The following ARMC8 variants were observed in gnomAD, a reference collection of about 807,000 sequenced individuals.
The protein encoded by ARMC8 is armadillo repeat containing 8.
ARMC8 carries 20 observed loss-of-function variants against 99.3 expected under a neutral mutation model. The observed-to-expected ratio is 0.20, with a 90% confidence interval of 0.14 to 0.29. ARMC8 has a LOEUF of 0.29. Among genes scored for constraint, ARMC8 ranks in the 10% least tolerant of loss-of-function variants. The pLI, the probability that ARMC8 is intolerant of heterozygous loss-of-function variation, is 1.00. For synonymous variants in ARMC8, 263 were observed against 278.3 expected, an observed-to-expected ratio of 0.95 and a Z score of 0.55; for missense variants, 569 against 809.5, an observed-to-expected ratio of 0.70 and a Z score of 3.60.
chr3:138,274,624 A>G (rs1339721252), intron 18 of ARMC8, 80 bp downstream of exon 18: 22 of 1,021,426 alleles, frequency 2.2e-5, no homozygotes, highest in Non-Finnish European at 3.2e-5. Flanking sequence ...TGAAATATTC[A>G]AATCTGCAGA....
chr3:138,194,782 T>TA (rs2043618140), intron 1 of ARMC8, among the ~76,000 whole-genome samples: 1 of 152,146 alleles, frequency 6.6e-6, no homozygotes, highest in African/African-American at 2.4e-5. Context: ...TTTATTCTCT[T>TA]ACATCCATAA....
intron 1 of ARMC8, among the ~76,000 whole-genome samples, chr3:138,193,094 A>G (rs918006322): frequency 2.0e-5 from 3 of 151,706 alleles, no homozygotes; most frequent in Non-Finnish European, 4.4e-5. Context: ...TCAGCCTCCC[A>G]GGTAGCTGGG....
At chr3:138,187,255 A>C (rs1241265958), upstream of ARMC8, 1 of 401,332 alleles carries the variant, frequency 2.5e-6, no homozygotes, top group African/African-American at 2.1e-5. Context: ...CGCGAGCGGC[A>C]GGTGGGGCCG....
At chr3:138,212,490 G>A (rs1186740321) in intron 2 of ARMC8, among the ~76,000 whole-genome samples, 4 of 151,934 alleles carry the variant, frequency 2.6e-5, no homozygotes. Flanking sequence ...TGTATATTTA[G>A]TAGAGACGAG....
intron 1 of ARMC8, among the ~76,000 whole-genome samples, chr3:138,193,051 C>T (rs1331164160): frequency 2.0e-5 from 3 of 152,176 alleles, no homozygotes; most frequent in Non-Finnish European, 1.5e-5. Context: ...TTACTGCAGC[C>T]TCTGCCTCCC....
rs370003605 is a variant in ARMC8, at chr3:138,189,102, A to C, written c.45+1503A>C. Reference sequence around the variant, plus strand: ...TTCATTTATCCTTCAGTTCACCTGAAGTTTACTTTTTGGATGTTGTCAACT... The same window carrying C: ...TTCATTTATCCTTCAGTTCACCTGACGTTTACTTTTTGGATGTTGTCAACT... On this transcript the variant is annotated intron_variant, in intron 1 of 21. Coordinates refer to ENST00000469044, the MANE Select transcript of ARMC8 (RefSeq NM_001363941.2). 1.5e-4 allele frequency among the ~76,000 whole-genome samples: 23 copies of C among 152,276 alleles called. No homozygotes were observed. In the East Asian group the frequency reaches 2.3e-3, roughly 15 times the overall value.
At chr3:138,237,178 T>G in intron 7 of ARMC8, 131 bp from the exon 8 acceptor site, 3 of 742,222 alleles carry the variant, frequency 4.0e-6, no homozygotes, top group South Asian at 1.6e-5. Flanking sequence ...GGTGTTATTG[T>G]TATTTCTTTG....
chr3:138,237,313 G>A lies in ARMC8; in HGVS notation c.614G>A (p.Arg205Gln), dbSNP rs1276988161. 1.2e-5 allele frequency: 20 copies of A among 1,611,706 alleles called. No individual in the cohort carries two copies. The highest frequency in any genetic ancestry group is 2.2e-5 in the East Asian group (1 of 44,832). The change falls in exon 8 of 22, where the codon CGA becomes CAA. Residue 205 changes from arginine (R) to glutamine (Q), a missense_variant. By Grantham distance (43) the Arg-to-Gln change is conservative (BLOSUM62 1). This residue lies in a region of ARMC8 where 342 missense variants were observed against 391.6 expected (regional missense o/e 0.87). Transcript: ENST00000469044. ...TTTGTTCATTTATTTTTACAGGTTC[G>A]AATGCAAGCACTGAAATGTTTCTCA... ...HLLTSLSYKV[R>Q]MQALKCFSVL...
At chr3:138,270,796 T>G (rs2048718873) in intron 16 of ARMC8, among the ~76,000 whole-genome samples, 1 of 152,200 alleles carries the variant, frequency 6.6e-6, no homozygotes, top group Non-Finnish European at 1.5e-5. Context: ...TGTAAAACTT[T>G]GAGGTTAGAG....
At chr3:138,260,573 G>A (rs2047660543) in intron 12 of ARMC8, among the ~76,000 whole-genome samples, 1 of 152,124 alleles carries the variant, frequency 6.6e-6, no homozygotes, top group Admixed American at 6.5e-5. Context: ...TACTAAGCTT[G>A]TAGAATTTTC....
upstream of ARMC8, chr3:138,187,258 T>G (rs1016322017): frequency 2.5e-6 from 1 of 402,898 alleles, no homozygotes; most frequent in Non-Finnish European, 4.4e-6. Context: ...GAGCGGCAGG[T>G]GGGGCCGGCA....
At chr3:138,223,049 A>T (rs946692684) in intron 3 of ARMC8, among the ~76,000 whole-genome samples, 1 of 152,210 alleles carries the variant, frequency 6.6e-6, no homozygotes, top group South Asian at 2.1e-4. Flanking sequence ...CTGGCAGCAC[A>T]TGGCATTTGA....
rs2049084084 is a variant in ARMC8, at chr3:138,274,430, AT to A, written c.1630-16del. 1 of 1,495,538 alleles carries A rather than the reference AT, an allele frequency of 6.7e-7. No individual in the cohort carries two copies. Among genetic ancestry groups the A allele is most frequent in the Non-Finnish European group, 9.3e-7 (1 of 1,078,876 alleles). The allele number at this position is 1,495,538 out of a possible 1,614,324, so 92.6% of individuals were successfully genotyped here. A position where few individuals can be genotyped will look rare whatever the true frequency, so the allele number is the denominator to read the frequency against. ...GTCTTTGTTTCTTTGATAATTATGG[AT>A]TTCCCATTGTTTTACAGCATATAGA... is the stretch of plus-strand genomic sequence containing the variant. On this transcript the variant is annotated intron_variant, in intron 17 of 21. Coordinates refer to ENST00000469044, the MANE Select transcript of ARMC8 (RefSeq NM_001363941.2).
rs191903094 is a variant in ARMC8 at position 138,260,097 on chromosome 3, T to C, written c.1135-3642T>C. ...GTTTTGTTTTTGAGTTTCAAAACCA[T>C]GCCTGTCACTCTCTGGGCACTCAGA... On this transcript the variant is annotated intron_variant, in intron 12 of 21. Transcript: ENST00000469044. Among the ~76,000 whole-genome samples the C allele has an allele frequency of 7.9e-5, 12 of 152,370 alleles. No individual in the cohort carries two copies. The East Asian group carries it at 2.3e-3, about 29-fold the overall frequency.
intron 19 of ARMC8, among the ~76,000 whole-genome samples, chr3:138,286,005 C>T (rs1468033198): frequency 1.3e-5 from 2 of 152,146 alleles, no homozygotes; most frequent in East Asian, 1.9e-4. Context: ...AGTGCAGTGA[C>T]GCGATCTTGG....
chr3:138,294,884 TTTTG>T (rs900409171), intron 21 of ARMC8, among the ~76,000 whole-genome samples: 8 of 151,682 alleles, frequency 5.3e-5, no homozygotes, highest in African/African-American at 1.5e-4. Flanking sequence ...TTTTGGGTTT[TTTTG>T]TTTGTTTTTT....
At chr3:138,188,353 A>G in intron 1 of ARMC8, 1 of 1,386,434 alleles carries the variant, frequency 7.2e-7, no homozygotes, top group South Asian at 1.6e-5. Context: ...AAGGGAACGT[A>G]TTGACATGCC....
At chr3:138,223,937 G>A (rs76882060) in intron 5 of ARMC8, among the ~76,000 whole-genome samples, 7,519 of 150,886 alleles carry the variant, frequency 0.05, 617 homozygotes, top group African/African-American at 0.17. Context: ...CAACCAGAGT[G>A]ACATAACAAG....
intron 2 of ARMC8, among the ~76,000 whole-genome samples, chr3:138,211,761 A>G (rs578050625): frequency 5.9e-5 from 9 of 152,322 alleles, no homozygotes; most frequent in Admixed American, 1.3e-4. Context: ...TTGAGCCTCA[A>G]TTTCATCATC....
Sources: allele counts gnomAD v4.1 joint callset (sites outside exome capture counted in the v4.1 genomes callset), GRCh38; gene constraint gnomAD v4.1.1; regional missense constraint gnomAD v4.1.1; transcripts MANE v1.5; gene names NCBI Gene and HGNC (gene_info 2026-07-23, HGNC 2026-07-21).